Variants in KCNH1 observed in about 807,000 individuals in gnomAD.
KCNH1 encodes potassium voltage-gated channel subfamily H member 1.
Under a neutral mutation model 69.2 loss-of-function variants are expected in KCNH1, and 27 were observed. The observed-to-expected ratio is 0.39, with a 90% CI of 0.29 to 0.54. KCNH1 has a LOEUF of 0.54. Among genes scored for constraint, KCNH1 ranks in the 20% least tolerant of loss-of-function variants. The pLI is 0.68. For synonymous variants in KCNH1, 456 were observed against 487.7 expected (o/e 0.93, Z 0.86); for missense variants, 798 against 1,261.6 (o/e 0.63, Z 5.57).
intron 5 of KCNH1, among the ~76,000 whole-genome samples, chr1:211,043,590 T>C (rs568623825): frequency 6.6e-6 from 1 of 152,294 alleles, no homozygotes; most frequent in Non-Finnish European, 1.5e-5. Context: ...AATCATTCTA[T>C]GAAGCCAGTA....
At chr1:210,954,941 A>G (rs1688139387) in intron 6 of KCNH1, among the ~76,000 whole-genome samples, 2 of 152,110 alleles carry the variant, frequency 1.3e-5, no homozygotes, top group South Asian at 4.2e-4. Flanking sequence ...TTTTGTTGCC[A>G]TTGCTTTTGG....
At chr1:211,117,611 G>A (rs1353348437) in intron 1 of KCNH1, among the ~76,000 whole-genome samples, 2 of 151,996 alleles carry the variant, frequency 1.3e-5, no homozygotes, top group African/African-American at 2.4e-5. Context: ...AAGAATGAGG[G>A]GTAAAAGATA....
chr1:211,000,068 C>T (rs1376650734), intron 6 of KCNH1, among the ~76,000 whole-genome samples: 1 of 152,116 alleles, frequency 6.6e-6, no homozygotes, highest in Admixed American at 6.6e-5. Context: ...ACTGAATGGG[C>T]AAAAACTGGA....
rs138025468 is a variant in KCNH1 at position 211,031,551 on chromosome 1, A to G, written c.559-12295T>C. Among the ~76,000 whole-genome samples, 424 of 152,288 alleles carry G rather than the reference A, an allele frequency of 2.8e-3. 2 individuals are homozygous for G. Among genetic ancestry groups the G allele is most frequent in the South Asian group, 5.2e-3 (25 of 4,824 alleles). ...ATCAAAAAGCTTATCCATGATCATG[A>G]TCATGAAACCATGATCAAGTGGGCT... is the stretch of plus-strand genomic sequence containing the variant. On this transcript the variant is annotated intron_variant, in intron 5 of 10. Transcript: ENST00000271751.
chr1:211,060,562 A>T lies in KCNH1; in HGVS notation c.558+22218T>A, dbSNP rs560816801. 2.0e-5 allele frequency among the ~76,000 whole-genome samples: 3 copies of T among 151,854 alleles called. No individual in the cohort carries two copies. In the East Asian group the frequency reaches 5.8e-4, roughly 29 times the overall value. On this transcript the variant is annotated intron_variant, in intron 5 of 10. Transcript: ENST00000271751. ...AATAAAAGCTGGTTTTTTGAAAAGA[A>T]AAAAATCAACAGAACTTTAGACTAA...
At chr1:210,809,282 T>C (rs1338343935) in intron 7 of KCNH1, among the ~76,000 whole-genome samples, 1 of 152,170 alleles carries the variant, frequency 6.6e-6, no homozygotes, top group African/African-American at 2.4e-5. Context: ...TGTGTGAATC[T>C]TTCCTGTGAA....
chr1:211,057,505 G>A (rs779741112), intron 5 of KCNH1, among the ~76,000 whole-genome samples: 12 of 152,020 alleles, frequency 7.9e-5, no homozygotes, highest in South Asian at 6.2e-4. Context: ...TGGGTATTAT[G>A]GCGTTTGCTT....
chr1:210,803,619 G>A (rs573979046), intron 8 of KCNH1, among the ~76,000 whole-genome samples: 4 of 152,330 alleles, frequency 2.6e-5, no homozygotes, highest in African/African-American at 7.2e-5. Flanking sequence ...TCAAGTCTGG[G>A]TAAAAAGAAA....
At chr1:210,878,930 C>A (rs1686437672) in intron 7 of KCNH1, among the ~76,000 whole-genome samples, 1 of 151,842 alleles carries the variant, frequency 6.6e-6, no homozygotes, top group Admixed American at 6.6e-5. Context: ...TTACTAATAT[C>A]AGAAATGAAG....
At chr1:210,826,284 C>T (rs1685030828) in intron 7 of KCNH1, among the ~76,000 whole-genome samples, 3 of 152,184 alleles carry the variant, frequency 2.0e-5, no homozygotes, top group Admixed American at 2.0e-4. Context: ...AGTAGGCGAG[C>T]TCTGAGCTTC....
intron 7 of KCNH1, among the ~76,000 whole-genome samples, chr1:210,868,240 C>A (rs1409668715): frequency 1.3e-5 from 2 of 151,992 alleles, no homozygotes; most frequent in African/African-American, 4.8e-5. Flanking sequence ...TTTGGCCATT[C>A]ATGTGTGCGT....
intron 5 of KCNH1, among the ~76,000 whole-genome samples, chr1:211,078,131 G>A (rs945377261): frequency 6.6e-6 from 1 of 152,154 alleles, no homozygotes; most frequent in Non-Finnish European, 1.5e-5. Flanking sequence ...AGTCCTTAGA[G>A]ACCTTAAAAG....
chr1:210,823,966 TGTTG>T (rs386639036), intron 7 of KCNH1, among the ~76,000 whole-genome samples: 1 of 150,290 alleles, frequency 6.7e-6, no homozygotes, highest in Admixed American at 6.6e-5. Context: ...CTTTTTTACT[TGTTG>T]TTGTTGTTGT....
chr1:210,983,027 T>C (rs1328398878), intron 6 of KCNH1, among the ~76,000 whole-genome samples: 4 of 152,216 alleles, frequency 2.6e-5, no homozygotes, highest in African/African-American at 7.2e-5. Context: ...CCAGTGATGA[T>C]GAGCATTTTT....
intron 6 of KCNH1, among the ~76,000 whole-genome samples, chr1:210,922,118 A>C (rs1687472017): frequency 6.6e-6 from 1 of 151,914 alleles, no homozygotes; most frequent in African/African-American, 2.4e-5. Flanking sequence ...GCGGTGGCTC[A>C]TGCCTGTAAT....
chr1:210,749,213 T>A (rs1010615797), intron 10 of KCNH1, among the ~76,000 whole-genome samples: 1 of 152,060 alleles, frequency 6.6e-6, no homozygotes, highest in African/African-American at 2.4e-5. Flanking sequence ...CTTGGCTGGA[T>A]GGGAAAGCTA....
intron 3 of KCNH1, among the ~76,000 whole-genome samples, chr1:211,101,467 T>A (rs572526548): frequency 6.6e-5 from 10 of 152,336 alleles, no homozygotes; most frequent in Non-Finnish European, 1.0e-4. Context: ...ATTTCCTTAG[T>A]TTCATGGCTC....
intron 7 of KCNH1, among the ~76,000 whole-genome samples, chr1:210,875,873 A>G (rs1333363241): frequency 6.6e-6 from 1 of 152,200 alleles, no homozygotes; most frequent in Non-Finnish European, 1.5e-5. Flanking sequence ...CTAATAAGAA[A>G]AAAACAGACC....
chr1:211,092,119 G>A (rs1043687621), intron 3 of KCNH1, among the ~76,000 whole-genome samples: 1 of 152,194 alleles, frequency 6.6e-6, no homozygotes, highest in African/African-American at 2.4e-5. Context: ...AGTTTCCTAT[G>A]TAGCCAGCAC....
Sources: gnomAD v4.1 joint callset for allele counts (sites outside exome capture counted in the v4.1 genomes callset) on GRCh38, gnomAD v4.1.1 for gene constraint, MANE v1.5 for transcripts, NCBI Gene and HGNC (gene_info 2026-07-23, HGNC 2026-07-21) for gene names.